Variants in SLC24A2 observed in about 807,000 individuals in gnomAD.
SLC24A2 encodes the protein solute carrier family 24 member 2, also known as sodium/potassium/calcium exchanger 2.
A neutral mutation model predicts 62.0 loss-of-function variants in SLC24A2; 36 were observed. The observed-to-expected ratio is 0.58, with a 90% CI of 0.44 to 0.77. The LOEUF is 0.77. Ranked by LOEUF, SLC24A2 falls within the 30% of genes least tolerant of loss-of-function variation. The pLI, the probability that SLC24A2 is intolerant of heterozygous loss-of-function variation, is 0.00. For missense variants in SLC24A2, 846 were observed against 817.9 expected, an observed-to-expected ratio of 1.03 and a Z score of -0.42; for synonymous variants, 358 against 294.0, an observed-to-expected ratio of 1.22 and a Z score of -2.23.
chr9:20,027,286 A>G, the SLC24A2 span, among the ~76,000 whole-genome samples: 4 of 152,210 alleles, frequency 2.6e-5, no homozygotes, highest in African/African-American at 9.6e-5. Flanking sequence ...TGATCCAGCA[A>G]TCCCACTACT....
the SLC24A2 span, among the ~76,000 whole-genome samples, chr9:20,236,942 C>T: frequency 2.1e-4 from 32 of 151,790 alleles, no homozygotes; most frequent in South Asian, 3.4e-3. Context: ...TACAGCAAAA[C>T]GTGACCCAGA....
At chr9:20,029,372 G>A in the SLC24A2 span, among the ~76,000 whole-genome samples, 1 of 152,164 alleles carries the variant, frequency 6.6e-6, no homozygotes, top group Admixed American at 6.5e-5. Context: ...GTTTTAAAAG[G>A]ATTTTCATGG....
the SLC24A2 span, among the ~76,000 whole-genome samples, chr9:20,192,356 T>G: frequency 6.6e-6 from 1 of 151,722 alleles, no homozygotes; most frequent in Admixed American, 6.6e-5. Flanking sequence ...GGGCAGCCAG[T>G]GAATGTTTTA....
chr9:19,680,584 G>T (rs1407747594), intron 2 of SLC24A2, among the ~76,000 whole-genome samples: 1 of 144,814 alleles, frequency 6.9e-6, no homozygotes, highest in African/African-American at 2.5e-5. Flanking sequence ...AACATTATGA[G>T]AAATGCAGAT....
intron 7 of SLC24A2, among the ~76,000 whole-genome samples, chr9:19,564,007 C>A (rs1214297491): frequency 6.6e-6 from 1 of 151,842 alleles, no homozygotes; most frequent in East Asian, 1.9e-4. Context: ...GTGCACACCA[C>A]CATGCCCTGC....
chr9:19,848,793 T>A, the SLC24A2 span, among the ~76,000 whole-genome samples: 1 of 152,210 alleles, frequency 6.6e-6, no homozygotes, highest in Non-Finnish European at 1.5e-5. Flanking sequence ...TTCCTTGTGG[T>A]CAATGGAATT....
At chr9:20,206,337 G>T in the SLC24A2 span, among the ~76,000 whole-genome samples, 2 of 152,242 alleles carry the variant, frequency 1.3e-5, no homozygotes, top group East Asian at 1.9e-4. Flanking sequence ...GCAGATATGA[G>T]AATTCAACAC....
chr9:20,295,164 C>T, the SLC24A2 span, among the ~76,000 whole-genome samples: 1 of 151,978 alleles, frequency 6.6e-6, no homozygotes, highest in Admixed American at 6.6e-5. Flanking sequence ...AGATCAAAAT[C>T]CCTAAAGTCT....
At chr9:19,926,360 G>A in the SLC24A2 span, 2 of 152,210 alleles carry the variant, frequency 1.3e-5, no homozygotes, top group Non-Finnish European at 2.9e-5. Flanking sequence ...GGAAAGCCCT[G>A]TCTCCTGTCC....
At chr9:20,051,394 T>C in the SLC24A2 span, among the ~76,000 whole-genome samples, 7 of 152,186 alleles carry the variant, frequency 4.6e-5, no homozygotes, top group South Asian at 1.2e-3. Flanking sequence ...ATAATAATCA[T>C]GAAACTGGGA....
chr9:19,843,335 C>G, the SLC24A2 span, among the ~76,000 whole-genome samples: 2 of 152,116 alleles, frequency 1.3e-5, no homozygotes, highest in African/African-American at 4.8e-5. Context: ...AATCATGTCT[C>G]TACTAAAAAT....
At chr9:20,074,785 G>A in the SLC24A2 span, among the ~76,000 whole-genome samples, 1 of 152,064 alleles carries the variant, frequency 6.6e-6, no homozygotes, top group African/African-American at 2.4e-5. Flanking sequence ...AGTAAGATTA[G>A]AATATTAGAA....
At chr9:19,810,692 AGC>A in the SLC24A2 span, among the ~76,000 whole-genome samples, 1 of 152,230 alleles carries the variant, frequency 6.6e-6, no homozygotes, top group African/African-American at 2.4e-5. Flanking sequence ...TAAAATCCAT[AGC>A]TCTTTTGTAT....
At chr9:19,808,428 A>G in the SLC24A2 span, among the ~76,000 whole-genome samples, 1 of 152,216 alleles carries the variant, frequency 6.6e-6, no homozygotes, top group Admixed American at 6.5e-5. This position sits in a 1 kb window ranked among gnomAD's most constrained non-coding sequence, Gnocchi z 4.1. Flanking sequence ...AACAGTTAAC[A>G]AGTTTAAGAA....
At chr9:20,115,558 T>C in the SLC24A2 span, among the ~76,000 whole-genome samples, 1 of 152,156 alleles carries the variant, frequency 6.6e-6, no homozygotes, top group Admixed American at 6.6e-5. Context: ...CAACAATGCC[T>C]GTACAATGAA....
chr9:19,962,436 C>A, the SLC24A2 span, among the ~76,000 whole-genome samples: 1 of 152,266 alleles, frequency 6.6e-6, no homozygotes, highest in East Asian at 1.9e-4. Context: ...GGCATTGAAT[C>A]TATAAATTAC....
At chr9:19,972,818 G>T in the SLC24A2 span, among the ~76,000 whole-genome samples, 1 of 151,752 alleles carries the variant, frequency 6.6e-6, no homozygotes, top group Non-Finnish European at 1.5e-5. Flanking sequence ...CTCAGAGAAA[G>T]TGAGCAACCT....
the SLC24A2 span, among the ~76,000 whole-genome samples, chr9:19,875,175 C>T: frequency 1.3e-5 from 2 of 152,134 alleles, no homozygotes; most frequent in Non-Finnish European, 2.9e-5. Flanking sequence ...TTATACTGAA[C>T]AAGCTTTCCT....
chr9:20,171,352 A>G, the SLC24A2 span, among the ~76,000 whole-genome samples: 3 of 152,180 alleles, frequency 2.0e-5, no homozygotes, highest in South Asian at 2.1e-4. Flanking sequence ...TGAATAGAAT[A>G]GTACCTCACA....
Sources: gnomAD v4.1 joint callset for allele counts (sites outside exome capture counted in the v4.1 genomes callset) on GRCh38, gnomAD v4.1.1 for gene constraint, Gnocchi (gnomAD v3.1) non-coding constraint, MANE v1.5 for transcripts, NCBI Gene and HGNC (gene_info 2026-07-23, HGNC 2026-07-21) for gene names.